Variants in PDE2A observed in about 807,000 individuals in gnomAD.
PDE2A encodes the protein phosphodiesterase 2A, also known as cGMP-dependent 3',5'-cyclic phosphodiesterase.
PDE2A carries 53 observed loss-of-function variants against 133.6 expected under a neutral mutation model. The observed-to-expected ratio is 0.40, with a 90% CI of 0.32 to 0.50. The LOEUF is 0.50. PDE2A is among the 20% of genes least tolerant of loss of function. The pLI is 0.73. For missense variants in PDE2A, 796 were observed against 1,232.4 expected (o/e 0.65, Z 5.30); for synonymous variants, 491 against 490.2 (o/e 1.00, Z -0.02).
rs373068536 is a variant in PDE2A at position 72,596,656 on chromosome 11, G to T, written c.434-8C>A. On this transcript the variant is annotated splice_polypyrimidine_tract_variant and splice_region_variant and intron_variant, in intron 5 of 30. Coordinates refer to ENST00000334456, the MANE Select transcript of PDE2A (RefSeq NM_002599.5). ...CTAGCGGCATGACCAGCACTGAGGG[G>T]GAGAGGGCAATGAGGTGCTCCTGCA... 10 of 1,451,854 alleles carry T rather than the reference G, an allele frequency of 6.9e-6. No individual in the cohort carries two copies. The African/African-American group carries it at 1.2e-4, about 17-fold the overall frequency. 89.9% of individuals were successfully genotyped at this position (1,451,854 alleles called of 1,614,324 possible).
At chr11:72,615,534 G>C (rs571654957) in intron 2 of PDE2A, among the ~76,000 whole-genome samples, 1 of 152,300 alleles carries the variant, frequency 6.6e-6, no homozygotes, top group South Asian at 2.1e-4. Context: ...TGGGGAGGGG[G>C]AGGATGGCCC....
intron 2 of PDE2A, among the ~76,000 whole-genome samples, chr11:72,624,769 C>T (rs1857967126): frequency 6.6e-6 from 1 of 152,256 alleles, no homozygotes; most frequent in African/African-American, 2.4e-5. Context: ...CACTTGGTGG[C>T]ACAGCCACTG....
At chr11:72,595,398 C>G (rs1856433863) in intron 6 of PDE2A, among the ~76,000 whole-genome samples, 1 of 152,092 alleles carries the variant, frequency 6.6e-6, no homozygotes, top group Admixed American at 6.5e-5. Flanking sequence ...CGTGCAACAG[C>G]AGCTCCGTTC....
chr11:72,625,797 G>T (rs534815464), intron 2 of PDE2A, among the ~76,000 whole-genome samples: 1 of 152,200 alleles, frequency 6.6e-6, no homozygotes, highest in Admixed American at 6.5e-5. Context: ...CAGCAAGGGC[G>T]CTGCCAAGCT....
chr11:72,623,657 T>C (rs998820433), intron 2 of PDE2A, among the ~76,000 whole-genome samples: 1 of 151,446 alleles, frequency 6.6e-6, no homozygotes, highest in African/African-American at 2.4e-5. Context: ...ACCCTCCCCC[T>C]TGCCTTTGCC....
At chr11:72,657,865 G>T in intron 1 of PDE2A, 2 of 456,056 alleles carry the variant, frequency 4.4e-6, no homozygotes, top group South Asian at 3.1e-5. Context: ...TGTCCAGCTT[G>T]GTCCAACTGC....
Position 72,674,190 on chromosome 11 carries a change from G to T in PDE2A, c.18C>A (p.Gly6=). The stretch of plus-strand genomic sequence containing the variant: ...GCTGGCTCCTGCAGAGGATGGAGTG[G>T]CCGCATGCCTGCCCCATCACTCCTC... MGQAC[G]HSILCRSQQY... is the part of the protein sequence containing the mutation. The change falls in exon 1 of 31, where the codon GGC becomes GGA. Residue 6 remains glycine, a synonymous_variant. Coordinates refer to ENST00000334456, the MANE Select transcript of PDE2A (RefSeq NM_002599.5). 6.2e-7 allele frequency: 1 copy of T among 1,611,456 alleles called. No individual in the cohort carries two copies.
intron 2 of PDE2A, among the ~76,000 whole-genome samples, chr11:72,614,626 T>G (rs536287908): frequency 1.3e-5 from 2 of 152,304 alleles, no homozygotes; most frequent in South Asian, 4.1e-4. Context: ...CAAACATTCC[T>G]AGATGACACT....
Position 72,579,584 on chromosome 11 carries a change from C to T in PDE2A, c.2206G>A (p.Ala736Thr). ...TTGCAGCCGTGGGTGTTGAGGATGG[C>T]GATGGCCTGAGCAAAGTGGTGCCTC... Reference protein sequence around the residue: ...MERHHFAQAIAILNTHGCNIF... With the variant: ...MERHHFAQAITILNTHGCNIF... The change falls in exon 26 of 31, where the codon GCC becomes ACC. Residue 736 changes from alanine (A) to threonine (T), a missense_variant. By Grantham distance (58) the Ala-to-Thr change is moderately conservative (BLOSUM62 0). This residue lies in a region of PDE2A where 218 missense variants were observed against 465.9 expected (regional missense o/e 0.47). Transcript: ENST00000334456. The T allele has an allele frequency of 6.3e-7, 1 of 1,585,028 alleles. No homozygotes were observed. The highest frequency in any genetic ancestry group is 8.6e-7 in the Non-Finnish European group (1 of 1,163,870).
chr11:72,650,055 C>G (rs1000201242), intron 1 of PDE2A, among the ~76,000 whole-genome samples: 2 of 145,800 alleles, frequency 1.4e-5, no homozygotes, highest in East Asian at 4.0e-4. Context: ...GAGTCTTGCT[C>G]TGTCGCCCAG....
rs147819895 is a variant in PDE2A at position 72,609,955 on chromosome 11, T to A, written c.145-1204A>T. The stretch of plus-strand genomic sequence containing the variant: ...ATTGCAGGCCATATTAATAGAGGTC[T>A]GTTAACCCAATTGGGAAGATGACAG... On this transcript the variant is annotated intron_variant, in intron 2 of 30. Transcript: ENST00000334456. Among the ~76,000 whole-genome samples, 50 of 151,968 alleles carry A rather than the reference T, an allele frequency of 3.3e-4. No homozygotes were observed. In the East Asian group the frequency reaches 9.4e-3, roughly 28 times the overall value.
At chr11:72,641,922 G>A (rs1013640067) in intron 2 of PDE2A, among the ~76,000 whole-genome samples, 4 of 152,102 alleles carry the variant, frequency 2.6e-5, no homozygotes, top group South Asian at 4.1e-4. Context: ...TGAAGGTTCC[G>A]AGGCGTGGGC....
At chr11:72,608,542 G>T in intron 3 of PDE2A, 120 bp downstream of exon 3, 1 of 613,766 alleles carries the variant, frequency 1.6e-6, no homozygotes, top group Non-Finnish European at 3.0e-6. Flanking sequence ...CCCCATGAAA[G>T]TCCTCTGGGC....
At chr11:72,634,826 C>T (rs1858599137) in intron 2 of PDE2A, among the ~76,000 whole-genome samples, 1 of 152,238 alleles carries the variant, frequency 6.6e-6, no homozygotes, top group African/African-American at 2.4e-5. Flanking sequence ...AGGGTCTTCC[C>T]TCCTCAGCCT....
chr11:72,598,846 G>T (rs572476317), intron 4 of PDE2A: 7 of 985,182 alleles, frequency 7.1e-6, no homozygotes, highest in Non-Finnish European at 8.4e-6. Context: ...ACAGGAACCG[G>T]TGGTGTCTCC....
At position 72,636,190 on chromosome 11, in the gene PDE2A, C is replaced by A; in HGVS notation, c.144+6064G>T. ...TCTCAAGGGAGCTGAACAGGAAGGT[C>A]CTGGAGCTGCAGGGGGCAGCCACAT... On this transcript the variant is annotated intron_variant, in intron 2 of 30. Transcript: ENST00000334456. The A allele has an allele frequency of 2.9e-6, 3 of 1,026,296 alleles. No homozygotes were observed. In the South Asian group the frequency reaches 9.9e-5, roughly 34 times the overall value. The allele number at this position is 1,026,296 out of a possible 1,614,324, so 63.6% of individuals were successfully genotyped here. A position where few individuals can be genotyped will look rare whatever the true frequency, so the allele number is the denominator to read the frequency against.
intron 2 of PDE2A, among the ~76,000 whole-genome samples, chr11:72,616,682 G>A (rs530426196): frequency 6.6e-6 from 1 of 152,358 alleles, no homozygotes; most frequent in East Asian, 1.9e-4. Flanking sequence ...GTCTCCTACT[G>A]AGAGCCTTTG....
intron 23 of PDE2A, 24 bp from the exon 24 acceptor site, chr11:72,580,997 A>C: frequency 6.6e-7 from 1 of 1,526,318 alleles, no homozygotes; most frequent in Non-Finnish European, 9.1e-7. Flanking sequence ...AGAAAGGAGA[A>C]AAAAAAGAGG....
intron 13 of PDE2A, among the ~76,000 whole-genome samples, chr11:72,586,533 G>A (rs1855982681): frequency 6.6e-6 from 1 of 152,218 alleles, no homozygotes; most frequent in South Asian, 2.1e-4. Flanking sequence ...GGGAGGGGCG[G>A]TGGCACTGCC....
Sources: allele counts gnomAD v4.1 joint callset (sites outside exome capture counted in the v4.1 genomes callset), GRCh38; gene constraint gnomAD v4.1.1; regional missense constraint gnomAD v4.1.1; transcripts MANE v1.5; gene names NCBI Gene and HGNC (gene_info 2026-07-23, HGNC 2026-07-21).